Variants in CSMD1 observed in about 807,000 individuals in gnomAD.
The protein encoded by CSMD1 is CUB and Sushi multiple domains 1, also known as CUB and sushi domain-containing protein 1.
A neutral mutation model predicts 417.5 loss-of-function variants in CSMD1; 213 were observed. The ratio of observed to expected loss-of-function variants is 0.51; its 90% CI spans 0.46 to 0.57. CSMD1 has a LOEUF of 0.57. Among genes scored for constraint, CSMD1 ranks in the 20% least tolerant of loss-of-function variants. The pLI is 0.00. For synonymous variants in CSMD1, 2,862 were observed against 1,736.8 expected, an observed-to-expected ratio of 1.65 and a Z score of -16.11; for missense variants, 6,923 against 4,529.7, an observed-to-expected ratio of 1.53 and a Z score of -15.17.
chr8:4,900,385 C>G (rs983661338), intron 1 of CSMD1, among the ~76,000 whole-genome samples: 3 of 152,172 alleles, frequency 2.0e-5, no homozygotes, highest in Non-Finnish European at 2.9e-5. Flanking sequence ...GACGAACCTC[C>G]TTCCGCACGC....
At chr8:4,787,583 T>G (rs576141166) in intron 1 of CSMD1, 9 of 1,519,562 alleles carry the variant, frequency 5.9e-6, no homozygotes, top group South Asian at 4.6e-5. Flanking sequence ...TGCACCCCAG[T>G]GCGAAATGAT....
intron 3 of CSMD1, among the ~76,000 whole-genome samples, chr8:4,375,769 A>C (rs570220291): frequency 2.0e-5 from 3 of 152,276 alleles, no homozygotes; most frequent in South Asian, 4.1e-4. Context: ...GTCTTTGTAC[A>C]GTGATTTCCC....
chr8:4,966,611 C>G (rs1005419013), intron 1 of CSMD1, among the ~76,000 whole-genome samples: 1 of 152,096 alleles, frequency 6.6e-6, no homozygotes, highest in East Asian at 1.9e-4. Flanking sequence ...GAGGTACTGT[C>G]TTAGGTAGGT....
intron 10 of CSMD1, among the ~76,000 whole-genome samples, chr8:3,505,349 G>A (rs1336160227): frequency 6.6e-6 from 1 of 152,164 alleles, no homozygotes. Flanking sequence ...AAAAGAAGAT[G>A]AGAGAAAATT....
intron 41 of CSMD1, chr8:3,128,907 C>G (rs1817649791): frequency 2.2e-6 from 1 of 451,606 alleles, no homozygotes; most frequent in African/African-American, 2.0e-5. Context: ...CCTCCTATTG[C>G]AAGAGACAAA....
intron 1 of CSMD1, among the ~76,000 whole-genome samples, chr8:4,878,955 G>C (rs1475985196): frequency 6.6e-6 from 1 of 151,834 alleles, no homozygotes; most frequent in Non-Finnish European, 1.5e-5. Context: ...ACCTGCCAAG[G>C]CACAGTGAGA....
chr8:4,455,964 T>G (rs1371446860), intron 2 of CSMD1, among the ~76,000 whole-genome samples: 5 of 21,668 alleles, frequency 2.3e-4, no homozygotes, highest in Non-Finnish European at 3.1e-4. Flanking sequence ...AAAAAAAAAA[T>G]GCAGTTAAGA....
intron 68 of CSMD1, among the ~76,000 whole-genome samples, chr8:2,944,417 C>T (rs894589021): frequency 6.6e-6 from 1 of 152,140 alleles, no homozygotes; most frequent in African/African-American, 2.4e-5. Flanking sequence ...GTGGTGCTGT[C>T]CAACAGAGAG....
At chr8:4,742,907 A>T (rs1351184360) in intron 1 of CSMD1, among the ~76,000 whole-genome samples, 2 of 152,212 alleles carry the variant, frequency 1.3e-5, no homozygotes, top group Non-Finnish European at 2.9e-5. Flanking sequence ...CGGTTAAAAA[A>T]AATCTGAAAA....
chr8:4,093,438 C>T (rs1046076830), intron 3 of CSMD1, among the ~76,000 whole-genome samples: 1 of 151,866 alleles, frequency 6.6e-6, no homozygotes, highest in Non-Finnish European at 1.5e-5. Context: ...TAATGCACTC[C>T]CCTTGAATCT....
intron 37 of CSMD1, 113 bp downstream of exon 37, chr8:3,180,995 TCA>T: frequency 5.7e-6 from 4 of 707,712 alleles, no homozygotes; most frequent in Non-Finnish European, 9.5e-6. Context: ...TGCAAGTCTT[TCA>T]CAGTTTTAGA....
chr8:4,480,851 C>T (rs1801059561), intron 2 of CSMD1, among the ~76,000 whole-genome samples: 1 of 152,172 alleles, frequency 6.6e-6, no homozygotes, highest in African/African-American at 2.4e-5. Context: ...ACACCATTGT[C>T]ATTAATCCCT....
chr8:3,949,603 G>C (rs1056741193), intron 5 of CSMD1, among the ~76,000 whole-genome samples: 1 of 152,092 alleles, frequency 6.6e-6, no homozygotes, highest in Middle Eastern at 3.2e-3. Context: ...AAGAACATGA[G>C]GGTGGGTGGT....
intron 12 of CSMD1, among the ~76,000 whole-genome samples, chr8:3,427,113 G>C (rs773593028): frequency 6.6e-6 from 1 of 152,130 alleles, no homozygotes; most frequent in South Asian, 2.1e-4. Flanking sequence ...CACTCTACTT[G>C]GCCTCTCCTT....
intron 1 of CSMD1, among the ~76,000 whole-genome samples, chr8:4,951,947 G>A (rs1563851903): frequency 6.6e-6 from 1 of 151,320 alleles, no homozygotes; most frequent in Non-Finnish European, 1.5e-5. Flanking sequence ...CCCTAGGCCT[G>A]AAACTGGTGA....
Position 4,879,304 on chromosome 8 carries a change from T to C in CSMD1, c.85+115028A>G, listed in dbSNP as rs563757773. ...TTTCAATTTGTGTTTATTGGCTATA[T>C]TTAGCAGGACTTGGAAATATAGGAT... On this transcript the variant is annotated intron_variant, in intron 1 of 69. Coordinates refer to ENST00000635120, the MANE Select transcript of CSMD1 (RefSeq NM_033225.6). 2.6e-5 allele frequency among the ~76,000 whole-genome samples: 4 copies of C among 152,106 alleles called. No homozygotes were observed. In the South Asian group the frequency reaches 8.3e-4, roughly 32 times the overall value.
At chr8:4,264,400 G>T (rs1054260941) in intron 3 of CSMD1, among the ~76,000 whole-genome samples, 7 of 152,174 alleles carry the variant, frequency 4.6e-5, no homozygotes, top group African/African-American at 1.7e-4. Flanking sequence ...AACATCCACA[G>T]AGGTTGCACA....
At chr8:4,595,553 G>A (rs982887628) in intron 2 of CSMD1, among the ~76,000 whole-genome samples, 2 of 152,054 alleles carry the variant, frequency 1.3e-5, no homozygotes, top group African/African-American at 4.8e-5. Context: ...TGGTGGCACA[G>A]AAACCATACA....
intron 1 of CSMD1, among the ~76,000 whole-genome samples, chr8:4,708,902 G>T (rs1808114328): frequency 6.6e-6 from 1 of 152,180 alleles, no homozygotes; most frequent in Non-Finnish European, 1.5e-5. Context: ...GAGTGACAAT[G>T]TGAGCAAATA....
Sources: allele counts gnomAD v4.1 joint callset (sites outside exome capture counted in the v4.1 genomes callset), GRCh38; gene constraint gnomAD v4.1.1; transcripts MANE v1.5; gene names NCBI Gene and HGNC (gene_info 2026-07-23, HGNC 2026-07-21).